The following LOXL2 variants were observed in gnomAD, a reference collection of about 807,000 sequenced individuals.
LOXL2 encodes the protein lysyl oxidase homolog 2.
Under a neutral mutation model 93.0 loss-of-function variants are expected in LOXL2, and 70 were observed. The ratio of observed to expected loss-of-function variants is 0.75; its 90% CI spans 0.62 to 0.92. The LOEUF is 0.92. Among genes scored for constraint, LOXL2 ranks in the 40% least tolerant of loss-of-function variants. The pLI, the probability that LOXL2 is intolerant of heterozygous loss-of-function variation, is 0.00. For missense variants in LOXL2, 973 were observed against 1,054.9 expected, an observed-to-expected ratio of 0.92 and a Z score of 1.08; for synonymous variants, 438 against 413.2, an observed-to-expected ratio of 1.06 and a Z score of -0.73.
chr8:23,341,641 G>C (rs1380603148), intron 3 of LOXL2: 1 of 217,240 alleles, frequency 4.6e-6, no homozygotes, highest in African/African-American at 2.3e-5. Context: ...GTCTGTGTGT[G>C]TCTCCCTGAT....
At chr8:23,365,024 A>T (rs2117210095) in intron 2 of LOXL2, 1 of 152,392 alleles carries the variant, frequency 6.6e-6, no homozygotes, top group South Asian at 2.1e-4. Context: ...GGGGTTGAGA[A>T]TCAGGACAGC....
Position 23,342,431 on chromosome 8 carries a change from T to C in LOXL2, c.532-1228A>G, listed in dbSNP as rs942448524. ...CCACCAAAGAGCCTCTTTTTTCTTT[T>C]TCTTTTTTTTTTTTTTTTGAGACGG... On this transcript the variant is annotated intron_variant, in intron 3 of 13. Transcript: ENST00000389131. Among the ~76,000 whole-genome samples, 4 of 145,942 alleles carry C rather than the reference T, an allele frequency of 2.7e-5. No individual in the cohort carries two copies. In the East Asian group the frequency reaches 1.0e-3, roughly 37 times the overall value.
chr8:23,328,648 T>C (rs28457141), intron 5 of LOXL2, 83 bp from the exon 6 acceptor site: 33,050 of 1,352,136 alleles, frequency 0.024, 1,853 homozygotes, highest in African/African-American at 0.22. Flanking sequence ...CTCCCTTCCC[T>C]GCCACCCTGT....
At chr8:23,392,223 C>T (rs1471693698) in intron 1 of LOXL2, among the ~76,000 whole-genome samples, 1 of 152,172 alleles carries the variant, frequency 6.6e-6, no homozygotes, top group Non-Finnish European at 1.5e-5. Context: ...ATTTCTGGCT[C>T]CATAAGGCAG....
chr8:23,305,280 G>A (rs988259125), intron 10 of LOXL2, among the ~76,000 whole-genome samples: 3 of 152,196 alleles, frequency 2.0e-5, no homozygotes, highest in Non-Finnish European at 2.9e-5. Flanking sequence ...ACTCTTGTAA[G>A]GATGACCCCG....
chr8:23,378,012 T>C (rs1265716994), intron 1 of LOXL2, among the ~76,000 whole-genome samples: 1 of 152,238 alleles, frequency 6.6e-6, no homozygotes, highest in African/African-American at 2.4e-5. Flanking sequence ...TGCTCATTAG[T>C]TGATGTAGTT....
Position 23,306,137 on chromosome 8 carries a change from A to G in LOXL2, c.1881-2740T>C, listed in dbSNP as rs73224434. 5.0e-3 allele frequency among the ~76,000 whole-genome samples: 757 copies of G among 152,234 alleles called. 3 individuals are homozygous for G. Among genetic ancestry groups the G allele is most frequent in the Middle Eastern group, 0.01 (3 of 294 alleles). ...AGAGCTCAGTGTTTTAAGACATGGC[A>G]CTCGTCAAGGGAGGAGGTGTTGGAT... On this transcript the variant is annotated intron_variant, in intron 10 of 13. Coordinates refer to ENST00000389131, the MANE Select transcript of LOXL2 (RefSeq NM_002318.3).
At chr8:23,402,761 G>A (rs917722638) in intron 1 of LOXL2, 1 of 150,350 alleles carries the variant, frequency 6.7e-6, no homozygotes, top group Non-Finnish European at 1.5e-5. Context: ...GAGCCTCAGC[G>A]TTTTTCTTCC....
chr8:23,354,588 C>CTGTGTGTGTGTG (rs35274565), intron 3 of LOXL2, among the ~76,000 whole-genome samples: 3 of 150,804 alleles, frequency 2.0e-5, no homozygotes, highest in African/African-American at 7.3e-5. Context: ...CATCCCTTCT[C>CTGTGTGTGTGTG]TGTGTGTGTG....
At chr8:23,391,554 C>G (rs1804843858) in intron 1 of LOXL2, among the ~76,000 whole-genome samples, 1 of 152,190 alleles carries the variant, frequency 6.6e-6, no homozygotes. Context: ...CTCAGACACA[C>G]TGTTTCTCAG....
At chr8:23,403,787 CG>C (rs1023792813) in intron 1 of LOXL2, 166 bp downstream of exon 1, 1 of 152,288 alleles carries the variant, frequency 6.6e-6, no homozygotes, top group African/African-American at 2.4e-5. Context: ...CAGGAGGACC[CG>C]TTAGCCTGCA....
At chr8:23,392,278 T>C (rs1483878199) in intron 1 of LOXL2, among the ~76,000 whole-genome samples, 1 of 152,178 alleles carries the variant, frequency 6.6e-6, no homozygotes, top group East Asian at 1.9e-4. Context: ...GCCCATGATC[T>C]GGATCCTGTC....
Position 23,297,725 on chromosome 8 carries a change from G to GCCGTATCATTA in LOXL2, c.*317_*318insTAATGATACGG. 4.4e-6 allele frequency: 1 copy of GCCGTATCATTA among 227,458 alleles called. No homozygotes were observed. Among genetic ancestry groups the GCCGTATCATTA allele is most frequent in the East Asian group, 9.1e-5 (1 of 11,016 alleles). 14.1% of individuals were successfully genotyped at this position (227,458 alleles called of 1,614,324 possible). ...GTGTCTGTGGTGAGCTCGGTGGCTTGAATGGGACAAGCTGATGACAACCTG... is the reference window on the plus strand; with the variant it reads ...GTGTCTGTGGTGAGCTCGGTGGCTTGCCGTATCATTAAATGGGACAAGCTGATGACAACCTG... On this transcript the variant is annotated 3_prime_UTR_variant, in exon 14 of 14. Coordinates refer to ENST00000389131, the MANE Select transcript of LOXL2 (RefSeq NM_002318.3).
chr8:23,302,537 C>T (rs1460429341), intron 11 of LOXL2, among the ~76,000 whole-genome samples: 1 of 145,916 alleles, frequency 6.9e-6, no homozygotes, highest in Non-Finnish European at 1.5e-5. Context: ...TCTGGAGGAT[C>T]GGCAATTAGA....
At chr8:23,358,260 T>C (rs1433299257) in intron 3 of LOXL2, among the ~76,000 whole-genome samples, 1 of 152,200 alleles carries the variant, frequency 6.6e-6, no homozygotes, top group Non-Finnish European at 1.5e-5. Flanking sequence ...ATTTGACAGG[T>C]GTCAACCATA....
chr8:23,349,186 C>A (rs1171953099), intron 3 of LOXL2, among the ~76,000 whole-genome samples: 1 of 152,148 alleles, frequency 6.6e-6, no homozygotes, highest in South Asian at 2.1e-4. Flanking sequence ...ATCATGGGAA[C>A]ATAAGAAGGG....
At chr8:23,394,857 C>T (rs532957575) in intron 1 of LOXL2, among the ~76,000 whole-genome samples, 1 of 151,674 alleles carries the variant, frequency 6.6e-6, no homozygotes, top group East Asian at 1.9e-4. Context: ...GTGGAAACAA[C>T]CCAAATGTCT....
At chr8:23,398,693 T>C (rs1442105168) in intron 1 of LOXL2, among the ~76,000 whole-genome samples, 3 of 152,228 alleles carry the variant, frequency 2.0e-5, no homozygotes, top group Non-Finnish European at 4.4e-5. Flanking sequence ...CTTTCTTTGT[T>C]TTTGAGACAG....
intron 3 of LOXL2, among the ~76,000 whole-genome samples, chr8:23,350,356 T>C (rs1804072577): frequency 6.6e-6 from 1 of 151,974 alleles, no homozygotes; most frequent in African/African-American, 2.4e-5. Context: ...AGGCGGGCAG[T>C]TCACCTGAGG....
Sources: allele counts gnomAD v4.1 joint callset (sites outside exome capture counted in the v4.1 genomes callset), GRCh38; gene constraint gnomAD v4.1.1; transcripts MANE v1.5; gene names NCBI Gene and HGNC (gene_info 2026-07-23, HGNC 2026-07-21).